Variants in SHANK2 observed in about 807,000 individuals in gnomAD.
SHANK2 encodes the protein SH3 and multiple ankyrin repeat domains protein 2.
A neutral mutation model predicts 133.7 loss-of-function variants in SHANK2; 43 were observed. The ratio of observed to expected loss-of-function variants is 0.32; its 90% CI spans 0.25 to 0.41. The LOEUF is 0.41. Ranked by LOEUF, SHANK2 falls within the 10% of genes least tolerant of loss-of-function variation. The pLI, the probability that SHANK2 is intolerant of heterozygous loss-of-function variation, is 1.00. For synonymous variants in SHANK2, 1,017 were observed against 952.8 expected, an observed-to-expected ratio of 1.07 and a Z score of -1.24; for missense variants, 1,994 against 2,235.8, an observed-to-expected ratio of 0.89 and a Z score of 2.18.
chr11:71,209,907 C>T (rs996362715), intron 2 of SHANK2, among the ~76,000 whole-genome samples: 3 of 152,074 alleles, frequency 2.0e-5, no homozygotes, highest in Middle Eastern at 3.2e-3. Flanking sequence ...CTTCACAAGA[C>T]TCATCAGATG....
At chr11:70,815,728 G>T (rs1249376468) in intron 12 of SHANK2, among the ~76,000 whole-genome samples, 1 of 152,170 alleles carries the variant, frequency 6.6e-6, no homozygotes, top group South Asian at 2.1e-4. Context: ...TCCCGGTGGG[G>T]GCCCTGGGGA....
chr11:70,898,801 C>T (rs1555076243), intron 10 of SHANK2, among the ~76,000 whole-genome samples: 1 of 152,148 alleles, frequency 6.6e-6, no homozygotes, highest in African/African-American at 2.4e-5. Context: ...AGTGAAAAAG[C>T]CTAACCACAT....
chr11:70,662,148 G>C (rs2134279031), intron 15 of SHANK2: 2 of 339,880 alleles, frequency 5.9e-6, no homozygotes, highest in South Asian at 3.0e-5. Flanking sequence ...ATCAGCCAGA[G>C]GAGAAATGAG....
intron 2 of SHANK2, among the ~76,000 whole-genome samples, chr11:71,194,198 T>A (rs782228411): frequency 9.2e-5 from 14 of 152,150 alleles, no homozygotes; most frequent in Non-Finnish European, 1.9e-4. Flanking sequence ...GTGTTCAAAG[T>A]GACCTGAGGC....
intron 21 of SHANK2, among the ~76,000 whole-genome samples, chr11:70,499,235 G>T (rs530370579): frequency 3.3e-5 from 5 of 152,400 alleles, no homozygotes; most frequent in African/African-American, 1.2e-4. Context: ...GGATCCCCCA[G>T]TGTGACCAGG....
intron 11 of SHANK2, among the ~76,000 whole-genome samples, chr11:70,835,190 G>C (rs1948794229): frequency 6.6e-6 from 1 of 152,210 alleles, no homozygotes. Context: ...ACTGTGTGCG[G>C]GACACACCTG....
chr11:71,204,824 C>T (rs367788173), intron 2 of SHANK2, among the ~76,000 whole-genome samples: 20 of 152,088 alleles, frequency 1.3e-4, no homozygotes, highest in Admixed American at 1.0e-3. Flanking sequence ...GGCAGGGGTT[C>T]GGAGCACTCC....
At chr11:70,861,189 G>A (rs1379924131) in intron 11 of SHANK2, among the ~76,000 whole-genome samples, 1 of 152,214 alleles carries the variant, frequency 6.6e-6, no homozygotes, top group Non-Finnish European at 1.5e-5. Context: ...CAGTTGGAAG[G>A]TCATGTTTAA....
chr11:70,594,548 G>A (rs2060372089), intron 17 of SHANK2, among the ~76,000 whole-genome samples: 1 of 152,180 alleles, frequency 6.6e-6, no homozygotes, highest in South Asian at 2.1e-4. Context: ...GAAAAGCCTG[G>A]AATAGACACA....
chr11:70,878,520 ACCTC>A (rs1434688100), intron 11 of SHANK2, among the ~76,000 whole-genome samples: 4 of 151,970 alleles, frequency 2.6e-5, no homozygotes, highest in African/African-American at 4.8e-5. Context: ...GAACCCAGGG[ACCTC>A]CCTCGGGCTG....
intron 2 of SHANK2, among the ~76,000 whole-genome samples, chr11:71,182,410 C>G (rs995625838): frequency 6.6e-6 from 1 of 152,204 alleles, no homozygotes; most frequent in African/African-American, 2.4e-5. Flanking sequence ...AATGTATTAT[C>G]TGACAGCTCT....
intron 2 of SHANK2, among the ~76,000 whole-genome samples, chr11:71,178,712 G>A (rs1253475301): frequency 4.6e-5 from 7 of 152,128 alleles, no homozygotes; most frequent in East Asian, 3.8e-4. Context: ...GGCCAGGCGC[G>A]GTGACTCACA....
At chr11:70,841,464 A>C (rs1948903558) in intron 11 of SHANK2, among the ~76,000 whole-genome samples, 1 of 152,166 alleles carries the variant, frequency 6.6e-6, no homozygotes, top group Non-Finnish European at 1.5e-5. Flanking sequence ...AACTGGATGG[A>C]GGTCACACAG....
chr11:70,798,363 C>A (rs1947964973), intron 14 of SHANK2, 80 bp downstream of exon 14: 1 of 703,202 alleles, frequency 1.4e-6, no homozygotes. Context: ...ACGGCCGAAT[C>A]TTGCCACGGA....
chr11:70,725,406 G>A (rs1555030393), intron 14 of SHANK2, among the ~76,000 whole-genome samples: 1 of 152,234 alleles, frequency 6.6e-6, no homozygotes, highest in Non-Finnish European at 1.5e-5. Flanking sequence ...GAAGGCACAT[G>A]GCGCTGAGGG....
intron 15 of SHANK2, among the ~76,000 whole-genome samples, chr11:70,695,210 T>A (rs986588483): frequency 6.6e-6 from 1 of 152,104 alleles, no homozygotes; most frequent in African/African-American, 2.4e-5. Flanking sequence ...CTTTGCAAGA[T>A]GAAAGACCTC....
intron 17 of SHANK2, among the ~76,000 whole-genome samples, chr11:70,625,383 C>T (rs1284884977): frequency 3.3e-5 from 5 of 152,102 alleles, no homozygotes; most frequent in Admixed American, 6.6e-5. Flanking sequence ...CTTCTGGTCT[C>T]CAGTTTCTTC....
intron 1 of SHANK2, among the ~76,000 whole-genome samples, chr11:71,236,073 T>A: frequency 6.6e-6 from 1 of 152,128 alleles, no homozygotes; most frequent in Non-Finnish European, 1.5e-5. Context: ...GCCCCCTCCA[T>A]GGACACTGTT....
intron 10 of SHANK2, among the ~76,000 whole-genome samples, chr11:70,912,825 C>A (rs923992889): frequency 6.6e-6 from 1 of 152,064 alleles, no homozygotes; most frequent in African/African-American, 2.4e-5. Context: ...GGTGTTTACA[C>A]GGGGTTTTAT....
Sources: gnomAD v4.1 joint callset for allele counts (sites outside exome capture counted in the v4.1 genomes callset) on GRCh38, gnomAD v4.1.1 for gene constraint, MANE v1.5 for transcripts, NCBI Gene and HGNC (gene_info 2026-07-23, HGNC 2026-07-21) for gene names.